ARRB2: variants seen among roughly 807,000 people sequenced by gnomAD.
ARRB2 encodes arrestin beta 2.
ARRB2 carries 21 observed loss-of-function variants against 53.4 expected under a neutral mutation model. The observed-to-expected ratio is 0.39, with a 90% CI of 0.28 to 0.57. ARRB2 has a LOEUF of 0.57. ARRB2 is among the 20% of genes least tolerant of loss of function. The probability of loss-of-function intolerance (pLI) is 0.55; values close to 1 mark genes in which losing one functional copy is unlikely to be tolerated. For synonymous variants in ARRB2, 180 were observed against 212.9 expected (o/e 0.85, Z 1.34); for missense variants, 369 against 527.5 (o/e 0.70, Z 2.94).
At chr17:4,718,552 TGTG>T in intron 9 of ARRB2, 57 bp from the exon 10 acceptor site, 1 of 1,548,568 alleles carries the variant, frequency 6.5e-7, no homozygotes, top group Non-Finnish European at 8.9e-7. Flanking sequence ...GGTCTGGAGT[TGTG>T]GTGTGGTGGT....
At chr17:4,716,707 G>C in intron 5 of ARRB2, 99 bp downstream of exon 5, 3 of 1,479,772 alleles carry the variant, frequency 2.0e-6, no homozygotes, top group Non-Finnish European at 2.7e-6. Context: ...GGAAGAAACA[G>C]TGAGGCAGGG....
At chr17:4,716,670 G>T (rs1395167269) in intron 5 of ARRB2, 62 bp downstream of exon 5, 1 of 1,532,152 alleles carries the variant, frequency 6.5e-7, no homozygotes, top group Admixed American at 2.0e-5. Flanking sequence ...TCTGGGGTGG[G>T]GGTAAGGCAC....
intron 2 of ARRB2, chr17:4,715,694 GACAC>G (rs150787978): frequency 1.2e-3 from 547 of 443,340 alleles, no homozygotes; most frequent in African/African-American, 1.7e-3. Flanking sequence ...GTTGGCTGAG[GACAC>G]ACACACACAC....
chr17:4,720,963 A>G lies in ARRB2; in HGVS notation c.1154A>G (p.Asp385Gly). The G allele has an allele frequency of 6.2e-7, 1 of 1,613,976 alleles. No homozygotes were observed. Among genetic ancestry groups the G allele is most frequent in the Non-Finnish European group, 8.5e-7 (1 of 1,179,948 alleles). The stretch of plus-strand genomic sequence containing the variant: ...CCACCAAGCTATGCCACAGATGATG[A>G]CATTGTGTTTGAGGACTTTGCCCGG... Reference protein sequence around the residue: ...EFDTNYATDDDIVFEDFARLR... With the variant: ...EFDTNYATDDGIVFEDFARLR... Residue 385 changes from aspartate (D) to glycine (G), a missense_variant, in exon 15 of 15, where the codon GAC becomes GGC. Transcript: ENST00000269260.
At position 4,720,927 on chromosome 17, in the gene ARRB2, C is replaced by A; in HGVS notation, c.1137-19C>A. Reference sequence around the variant, plus strand: ...GAGTCAGAAGCCCTCACCTCACAACCCTCTTTCCCACCACCAAGCTATGCC... The same window carrying A: ...GAGTCAGAAGCCCTCACCTCACAACACTCTTTCCCACCACCAAGCTATGCC... On this transcript the variant is annotated intron_variant, in intron 14 of 14. Coordinates refer to ENST00000269260, the MANE Select transcript of ARRB2 (RefSeq NM_004313.4). The A allele has an allele frequency of 1.9e-6, 3 of 1,612,940 alleles. No individual in the cohort carries two copies. The highest frequency in any genetic ancestry group is 1.3e-5 in the African/African-American group (1 of 75,002).
intron 11 of ARRB2, among the ~76,000 whole-genome samples, chr17:4,719,906 C>T (rs1015419337): frequency 2.0e-5 from 3 of 152,122 alleles, no homozygotes; most frequent in Non-Finnish European, 4.4e-5. Context: ...ACAGCAGGCC[C>T]GGAGGGCAAC....
chr17:4,719,007 C>G (rs1463747950), intron 10 of ARRB2, among the ~76,000 whole-genome samples: 3 of 152,194 alleles, frequency 2.0e-5, no homozygotes, highest in Non-Finnish European at 4.4e-5. Flanking sequence ...CCCCTGACCT[C>G]AAGTGACCCA....
At chr17:4,718,825 A>C (rs914484000) in intron 10 of ARRB2, 141 bp downstream of exon 10, 19 of 899,528 alleles carry the variant, frequency 2.1e-5, no homozygotes, top group Non-Finnish European at 2.9e-5. Context: ...CTTGTTGCCC[A>C]GCCTGGAGTG....
intron 1 of ARRB2, among the ~76,000 whole-genome samples, chr17:4,711,994 G>C (rs1041537480): frequency 5.9e-5 from 9 of 152,204 alleles, no homozygotes; most frequent in African/African-American, 2.2e-4. Context: ...CTCCTCCCCA[G>C]CCTGGCAGGA....
chr17:4,713,495 G>A (rs1419856806), intron 1 of ARRB2, among the ~76,000 whole-genome samples: 1 of 152,126 alleles, frequency 6.6e-6, no homozygotes, highest in East Asian at 1.9e-4. Context: ...GCCGGGCGTG[G>A]TGGTGGGTGC....
At chr17:4,713,725 G>A (rs1914664532) in intron 1 of ARRB2, among the ~76,000 whole-genome samples, 1 of 151,390 alleles carries the variant, frequency 6.6e-6, no homozygotes, top group Admixed American at 6.6e-5. Context: ...AGGAGGTGGA[G>A]GTTGCAGTGA....
Position 4,720,433 on chromosome 17 carries a change from A to G in ARRB2, c.1042A>G (p.Lys348Glu), listed in dbSNP as rs1194584016. Residue 348 changes from lysine to glutamate, a missense_variant, in exon 13 of 15, where the codon AAG becomes GAG. Coordinates refer to ENST00000269260, the MANE Select transcript of ARRB2 (RefSeq NM_004313.4). Reference sequence around the variant, plus strand: ...GCTGCCTTTTGTTCTTATGCACCCCAAGCCCCACGACCACATCCCCCTCCC... The same window carrying G: ...GCTGCCTTTTGTTCTTATGCACCCCGAGCCCCACGACCACATCCCCCTCCC... ...VELPFVLMHP[K>E]PHDHIPLPRP... The G allele has an allele frequency of 1.9e-6, 3 of 1,612,736 alleles. No individual in the cohort carries two copies. The highest frequency in any genetic ancestry group is 2.7e-5 in the African/African-American group (2 of 74,536).
chr17:4,715,172 T>G, intron 2 of ARRB2, 129 bp downstream of exon 2: 1 of 1,108,856 alleles, frequency 9.0e-7, no homozygotes, highest in Non-Finnish European at 1.3e-6. Flanking sequence ...CTGTGACAGC[T>G]AAGCGCCGAC....
At position 4,717,839 on chromosome 17, in the gene ARRB2, G is replaced by C; in HGVS notation, c.486-49G>C. On this transcript the variant is annotated intron_variant, in intron 7 of 14. Coordinates refer to ENST00000269260, the MANE Select transcript of ARRB2 (RefSeq NM_004313.4). This position sits in a 1 kb window ranked among gnomAD's most constrained non-coding sequence, Gnocchi z 6.0. ...CAGGCCCCGTGCGGGGGAGGAGTAG[G>C]GTTGGGGTGTGTGAGGAATGACCCC... is the stretch of plus-strand genomic sequence containing the variant. 6.2e-7 allele frequency: 1 copy of C among 1,613,248 alleles called. No homozygotes were observed. Among genetic ancestry groups the C allele is most frequent in the Non-Finnish European group, 8.5e-7 (1 of 1,179,680 alleles).
At chr17:4,711,222 C>G (rs1231075105) in intron 1 of ARRB2, among the ~76,000 whole-genome samples, 1 of 152,118 alleles carries the variant, frequency 6.6e-6, no homozygotes, top group Non-Finnish European at 1.5e-5. Flanking sequence ...ACCCAAACTT[C>G]TACCTTCCCT....
intron 11 of ARRB2, 105 bp from the exon 12 acceptor site, chr17:4,720,110 GC>G: frequency 8.6e-7 from 1 of 1,160,992 alleles, no homozygotes; most frequent in Admixed American, 2.0e-5. Flanking sequence ...GGCCCTGGGG[GC>G]CTGTGCGAGT....
Position 4,717,256 on chromosome 17 carries a change from G to A in ARRB2, c.397G>A (p.Gly133Ser), listed in dbSNP as rs1440517162. ...TCCATGCTCCGTCACACTGCAGCCAGGCCCAGAGGATACAGGAAAGGTACG... is the reference window on the plus strand; with the variant it reads ...TCCATGCTCCGTCACACTGCAGCCAAGCCCAGAGGATACAGGAAAGGTACG... ...NLPCSVTLQP[G>S]PEDTGKACGV... Residue 133 changes from glycine to serine, a missense_variant, in exon 6 of 15, where the codon GGC (glycine) becomes AGC (serine). Coordinates refer to ENST00000269260, the MANE Select transcript of ARRB2 (RefSeq NM_004313.4). This position sits in a 1 kb window ranked among gnomAD's most constrained non-coding sequence, Gnocchi z 6.0. 1.9e-6 allele frequency: 3 copies of A among 1,614,132 alleles called. No individual in the cohort carries two copies. Among genetic ancestry groups the A allele is most frequent in the Non-Finnish European group, 2.5e-6 (3 of 1,180,002 alleles).
chr17:4,720,528 G>A (rs762878801), intron 13 of ARRB2, 56 bp downstream of exon 13: 7 of 1,584,388 alleles, frequency 4.4e-6, no homozygotes, highest in Admixed American at 1.8e-5. Flanking sequence ...CAGGGCCAGT[G>A]GAGGAAAACT....
chr17:4,718,993 C>T (rs781288448), intron 10 of ARRB2, among the ~76,000 whole-genome samples: 7 of 152,130 alleles, frequency 4.6e-5, no homozygotes, highest in East Asian at 3.9e-4. Flanking sequence ...AAGCTAGTTG[C>T]GAACCCCTGA....
Sources: allele counts gnomAD v4.1 joint callset (sites outside exome capture counted in the v4.1 genomes callset), GRCh38; gene constraint gnomAD v4.1.1; non-coding constraint Gnocchi (gnomAD v3.1); transcripts MANE v1.5; gene names NCBI Gene and HGNC (gene_info 2026-07-23, HGNC 2026-07-21).